Variants in GRID1 observed in about 807,000 individuals in gnomAD.
The protein encoded by GRID1 is glutamate receptor ionotropic, delta-1.
In GRID1, 28 loss-of-function variants were observed where a neutral mutation model predicts 98.0. The observed-to-expected ratio is 0.29, with a 90% CI of 0.21 to 0.39. The LOEUF (loss-of-function observed/expected upper bound fraction) is 0.39. Among genes scored for constraint, GRID1 ranks in the 10% least tolerant of loss-of-function variants. GRID1 has a pLI of 1.00. For missense variants in GRID1, 1,111 were observed against 1,340.5 expected (o/e 0.83, Z 2.67); for synonymous variants, 553 against 538.5 (o/e 1.03, Z -0.37).
chr10:85,827,742 A>T (rs527981133), intron 8 of GRID1, among the ~76,000 whole-genome samples: 17 of 152,170 alleles, frequency 1.1e-4, no homozygotes, highest in African/African-American at 4.1e-4. Context: ...CAACAAGAAG[A>T]CCTAACTATT....
Position 86,046,121 on chromosome 10 carries a change from C to T in GRID1, c.726+92698G>A, listed in dbSNP as rs1843419734. Among the ~76,000 whole-genome samples, 3 of 152,300 alleles carry T rather than the reference C, an allele frequency of 2.0e-5. No homozygotes were observed. In the South Asian group the frequency reaches 6.2e-4, roughly 32 times the overall value. ...TTGTGCCATGTCAGTTTACCATTGCCATGGCAACACCCAGGAGTTATTGCC... is the reference window on the plus strand; with the variant it reads ...TTGTGCCATGTCAGTTTACCATTGCTATGGCAACACCCAGGAGTTATTGCC... On this transcript the variant is annotated intron_variant, in intron 4 of 15. Coordinates refer to ENST00000327946, the MANE Select transcript of GRID1 (RefSeq NM_017551.3).
chr10:86,351,341 C>A (rs1044481821), intron 2 of GRID1, among the ~76,000 whole-genome samples: 1 of 152,214 alleles, frequency 6.6e-6, no homozygotes, highest in Non-Finnish European at 1.5e-5. Context: ...GGGATTCTTG[C>A]AGCACACATA....
intron 2 of GRID1, among the ~76,000 whole-genome samples, chr10:86,336,136 A>G (rs935929103): frequency 6.6e-6 from 1 of 152,056 alleles, no homozygotes; most frequent in African/African-American, 2.4e-5. Flanking sequence ...ATCACAGACA[A>G]CTCCAGGTTG....
rs146886493 is a variant in GRID1, at chr10:86,138,265, T to A, written c.726+554A>T. ...ACTAACCAATGGATTCTTAAACTGA[T>A]GGGCCCTGTCTTCATTAGAAGGCTC... On this transcript the variant is annotated intron_variant, in intron 4 of 15. Transcript: ENST00000327946. Among the ~76,000 whole-genome samples the A allele has an allele frequency of 5.7e-3, 874 of 152,336 alleles. 12 individuals are homozygous for A. Among genetic ancestry groups the A allele is most frequent in the African/African-American group, 0.019 (791 of 41,568 alleles).
chr10:86,317,357 A>C (rs1277533404), intron 2 of GRID1, among the ~76,000 whole-genome samples: 2 of 152,262 alleles, frequency 1.3e-5, no homozygotes, highest in Non-Finnish European at 2.9e-5. Context: ...AAAGGAAAGC[A>C]TGTGAGTGGG....
At chr10:86,286,763 G>T (rs1203442332) in intron 2 of GRID1, among the ~76,000 whole-genome samples, 1 of 152,178 alleles carries the variant, frequency 6.6e-6, no homozygotes, top group Non-Finnish European at 1.5e-5. Context: ...CCTACCCCAG[G>T]GGCAGAGCCT....
chr10:86,217,643 C>T (rs963003775), intron 2 of GRID1, among the ~76,000 whole-genome samples: 3 of 152,144 alleles, frequency 2.0e-5, no homozygotes, highest in East Asian at 1.9e-4. Flanking sequence ...CACATGCCTG[C>T]GGGTTTGGTG....
intron 2 of GRID1, among the ~76,000 whole-genome samples, chr10:86,237,699 C>CAAA (rs60612464): frequency 2.2e-5 from 2 of 90,222 alleles, no homozygotes; most frequent in East Asian, 6.7e-4. Context: ...GACTCTGTCT[C>CAAA]AAAAAAAAAA....
chr10:86,076,556 G>A (rs529621634), intron 4 of GRID1, among the ~76,000 whole-genome samples: 1 of 152,196 alleles, frequency 6.6e-6, no homozygotes, highest in African/African-American at 2.4e-5. Context: ...GCGGAAGCTG[G>A]CAAGTCCACA....
intron 2 of GRID1, among the ~76,000 whole-genome samples, chr10:86,259,487 T>A (rs1238457222): frequency 7.1e-6 from 1 of 139,974 alleles, no homozygotes; most frequent in African/African-American, 2.6e-5. Flanking sequence ...TACATCTATA[T>A]CATTACATAC....
intron 4 of GRID1, among the ~76,000 whole-genome samples, chr10:85,959,087 C>A (rs7920771): frequency 2.0e-5 from 3 of 152,032 alleles, no homozygotes; most frequent in Admixed American, 6.5e-5. Flanking sequence ...GAACTGAATC[C>A]TCTTTCAGAC....
chr10:86,043,035 A>C (rs1344908321), intron 4 of GRID1, among the ~76,000 whole-genome samples: 1 of 152,034 alleles, frequency 6.6e-6, no homozygotes, highest in East Asian at 1.9e-4. Context: ...CAGCGAGCCG[A>C]GATCAATCAC....
chr10:85,756,433 G>A (rs1842099254), intron 8 of GRID1, among the ~76,000 whole-genome samples: 1 of 151,898 alleles, frequency 6.6e-6, no homozygotes, highest in African/African-American at 2.4e-5. Flanking sequence ...TTGTACTTTG[G>A]GACCATTATT....
chr10:85,694,167 G>T (rs1420623394), intron 12 of GRID1, among the ~76,000 whole-genome samples: 2 of 151,896 alleles, frequency 1.3e-5, no homozygotes, highest in Admixed American at 6.6e-5. Flanking sequence ...CAACAAACCT[G>T]AAAAAATGCT....
At chr10:85,800,759 G>A (rs560414054) in intron 8 of GRID1, among the ~76,000 whole-genome samples, 9 of 152,032 alleles carry the variant, frequency 5.9e-5, no homozygotes, top group Admixed American at 2.0e-4. Context: ...CAGGCAGCAC[G>A]AGTGCTTTGC....
chr10:85,798,891 C>CT (rs377365691), intron 8 of GRID1, among the ~76,000 whole-genome samples: 2 of 151,460 alleles, frequency 1.3e-5, no homozygotes, highest in South Asian at 2.1e-4. Context: ...TATTTGTTGT[C>CT]TTTTTTTTGA....
chr10:85,684,468 T>C (rs914856594), intron 12 of GRID1, among the ~76,000 whole-genome samples: 7 of 152,330 alleles, frequency 4.6e-5, no homozygotes, highest in Non-Finnish European at 1.0e-4. Context: ...TATATTCATA[T>C]ATTAAAGTAG....
chr10:86,258,789 T>C (rs190069800), intron 2 of GRID1, among the ~76,000 whole-genome samples: 7 of 152,134 alleles, frequency 4.6e-5, no homozygotes, highest in South Asian at 2.1e-4. Context: ...GACAACAGAC[T>C]AAGTAAGTGG....
At chr10:85,757,106 AG>A (rs34717039) in intron 8 of GRID1, among the ~76,000 whole-genome samples, 3 of 152,292 alleles carry the variant, frequency 2.0e-5, no homozygotes, top group Admixed American at 1.3e-4. Flanking sequence ...CCAAGCCAAC[AG>A]GGGGCAAACT....
Sources: gnomAD v4.1 joint callset for allele counts (sites outside exome capture counted in the v4.1 genomes callset) on GRCh38, gnomAD v4.1.1 for gene constraint, MANE v1.5 for transcripts, NCBI Gene and HGNC (gene_info 2026-07-23, HGNC 2026-07-21) for gene names.